Variants in CCNE2 observed in about 807,000 individuals in gnomAD.
CCNE2 encodes the protein G1/S-specific cyclin-E2.
In CCNE2, 18 loss-of-function variants were observed where a neutral mutation model predicts 56.8. That is an observed-to-expected ratio of 0.32 (90% CI 0.22 to 0.47). The LOEUF is 0.47. Ranked by LOEUF, CCNE2 falls within the 20% of genes least tolerant of loss-of-function variation. The pLI is 1.00. For missense variants in CCNE2, 371 were observed against 467.1 expected, an observed-to-expected ratio of 0.79 and a Z score of 1.90; for synonymous variants, 139 against 149.2, an observed-to-expected ratio of 0.93 and a Z score of 0.50.
chr8:94,882,971 T>C, intron 9 of CCNE2, 79 bp from the exon 10 acceptor site: 1 of 970,148 alleles, frequency 1.0e-6, no homozygotes, highest in South Asian at 1.4e-5. Context: ...CTTAGGGATC[T>C]AGAGATAAAT....
At chr8:94,892,134 A>G (rs2131120638) in intron 5 of CCNE2, 4 of 562,702 alleles carry the variant, frequency 7.1e-6, no homozygotes, top group South Asian at 4.5e-5. Context: ...AATGCAATTA[A>G]AAGTGAAAAA....
In CCNE2 at chr8:94,881,617, G is replaced by C; in HGVS notation, c.*15C>G. The C allele has an allele frequency of 6.2e-7, 1 of 1,610,130 alleles. No individual in the cohort carries two copies. The highest frequency in any genetic ancestry group is 8.5e-7 in the Non-Finnish European group (1 of 1,178,846). On this transcript the variant is annotated 3_prime_UTR_variant, in exon 12 of 12. Transcript: ENST00000308108. ...AATCTTGGTGAATTCCAACTTGTTT[G>C]CTTAGTTATCTTCTTTAGTGTTTTC...
chr8:94,893,555 C>A, intron 4 of CCNE2: 1 of 240,688 alleles, frequency 4.2e-6, no homozygotes, highest in Non-Finnish European at 7.9e-6. Flanking sequence ...CTATTTATGC[C>A]CAAGAAGCAG....
At chr8:94,888,903 C>T (rs1817129159) in intron 6 of CCNE2, among the ~76,000 whole-genome samples, 1 of 152,116 alleles carries the variant, frequency 6.6e-6, no homozygotes. Context: ...AATCCCAGCA[C>T]TTTGGGAGGC....
At chr8:94,881,781 A>T (rs775181708) in intron 11 of CCNE2, 36 bp from the exon 12 acceptor site, 4 of 1,610,412 alleles carry the variant, frequency 2.5e-6, no homozygotes, top group Non-Finnish European at 3.4e-6. Flanking sequence ...TGATTTCATA[A>T]ATCAAAGTCA....
intron 1 of CCNE2, chr8:94,894,527 A>G (rs538702771): frequency 4.4e-5 from 18 of 410,246 alleles, no homozygotes; most frequent in Non-Finnish European, 7.5e-5. Context: ...CATCTTCCTC[A>G]AACGGGTTTT....
In CCNE2 at chr8:94,888,067, C is replaced by T. The variant is rs1456517657; in HGVS notation, c.460G>A (p.Glu154Lys). The T allele has an allele frequency of 6.5e-7, 1 of 1,549,440 alleles. No homozygotes were observed. Among genetic ancestry groups the T allele is most frequent in the African/African-American group, 1.4e-5 (1 of 71,476 alleles). Residue 154 changes from glutamate (E) to lysine (K), a missense_variant, in exon 7 of 12, where the codon GAA becomes AAA. Glu to Lys is a moderately conservative substitution (Grantham distance 56). Coordinates refer to ENST00000308108, the MANE Select transcript of CCNE2 (RefSeq NM_057749.3). ...GTTTCCCTATGAAGTGTGTATACTT[C>T]ACATACCTAGAGAAGAATCCAAACA... is the stretch of plus-strand genomic sequence containing the variant. ...ILLDWLLEVC[E>K]VYTLHRETFY... is the part of the protein sequence containing the mutation.
At chr8:94,884,220 T>C (rs1816944242) in intron 9 of CCNE2, among the ~76,000 whole-genome samples, 2 of 152,220 alleles carry the variant, frequency 1.3e-5, no homozygotes, top group African/African-American at 4.8e-5. Flanking sequence ...GTCTTCCATA[T>C]GTTAGATTTT....
intron 7 of CCNE2, among the ~76,000 whole-genome samples, chr8:94,886,956 A>G (rs548906482): frequency 1.1e-4 from 17 of 152,166 alleles, no homozygotes; most frequent in Non-Finnish European, 1.9e-4. Flanking sequence ...ACTGAACACA[A>G]GTTTATGTGC....
Position 94,885,126 on chromosome 8 carries a change from CTT to C in CCNE2, c.770_771del (p.Lys257ArgfsTer4). On this transcript the variant is annotated frameshift_variant, in exon 9 of 12. Transcript: ENST00000308108. LOFTEE classifies it high-confidence loss of function. ...TGAGGTAGAAGAACTTTAGGAGCAT[CTT>C]TAAGAGCATCAACTTGGAGAAAGAG... is the stretch of plus-strand genomic sequence containing the variant. The part of the protein sequence containing the change: ...LNLFLQVDAL[K>X]DAPKVLLPQY... 1 of 1,613,368 alleles carries C rather than the reference CTT, an allele frequency of 6.2e-7. No homozygotes were observed. Among genetic ancestry groups the C allele is most frequent in the Non-Finnish European group, 8.5e-7 (1 of 1,179,486 alleles).
intron 9 of CCNE2, among the ~76,000 whole-genome samples, chr8:94,884,322 A>G (rs1414968907): frequency 6.7e-6 from 1 of 149,250 alleles, no homozygotes; most frequent in East Asian, 2.0e-4. Flanking sequence ...GAAGTAAGCA[A>G]GAAAGAATGG....
Position 94,885,057 on chromosome 8 carries a change from A to G in CCNE2, c.831+10T>C, listed in dbSNP as rs1040396299. ...TAACATTACCATTGAATCAATAAAAATGTCAGTACCTGAGCTATTTGAATG... is the reference window on the plus strand; with the variant it reads ...TAACATTACCATTGAATCAATAAAAGTGTCAGTACCTGAGCTATTTGAATG... On this transcript the variant is annotated intron_variant, in intron 9 of 11. Coordinates refer to ENST00000308108, the MANE Select transcript of CCNE2 (RefSeq NM_057749.3). 1 of 1,610,694 alleles carries G rather than the reference A, an allele frequency of 6.2e-7. No individual in the cohort carries two copies. Among genetic ancestry groups the G allele is most frequent in the Non-Finnish European group, 8.5e-7 (1 of 1,178,062 alleles).
rs866889940 is a variant in CCNE2 at position 94,895,085 on chromosome 8, T to G, written c.-27+92A>C. 2.7e-5 allele frequency: 20 copies of G among 744,966 alleles called. No homozygotes were observed. The African/African-American group carries it at 3.0e-4, about 11-fold the overall frequency. 46.1% of individuals were successfully genotyped at this position (744,966 alleles called of 1,614,324 possible). A position where few individuals can be genotyped will look rare whatever the true frequency, so the allele number is the denominator to read the frequency against. On this transcript the variant is annotated intron_variant, in intron 1 of 11. Coordinates refer to ENST00000308108, the MANE Select transcript of CCNE2 (RefSeq NM_057749.3). Reference sequence around the variant, plus strand: ...TCGTCTAGTTCTCAGCCCTCCCGATTTTCCTCCCTGAGGCTCCCGCCTGTG... The same window carrying G: ...TCGTCTAGTTCTCAGCCCTCCCGATGTTCCTCCCTGAGGCTCCCGCCTGTG...
intron 10 of CCNE2, among the ~76,000 whole-genome samples, chr8:94,882,564 G>A (rs1816863587): frequency 6.6e-6 from 1 of 152,172 alleles, no homozygotes; most frequent in African/African-American, 2.4e-5. Flanking sequence ...GAACTATAAT[G>A]TTGATTCATT....
At position 94,881,254 on chromosome 8, in the gene CCNE2, A is replaced by G; in HGVS notation, c.*378T>C. Reference sequence around the variant, plus strand: ...GATTCAAAGTACTGTATCACTTAGTATACCCTTTAAGGTAGCACTTATCCA... The same window carrying G: ...GATTCAAAGTACTGTATCACTTAGTGTACCCTTTAAGGTAGCACTTATCCA... On this transcript the variant is annotated 3_prime_UTR_variant, in exon 12 of 12. Coordinates refer to ENST00000308108, the MANE Select transcript of CCNE2 (RefSeq NM_057749.3). 2.8e-6 allele frequency: 1 copy of G among 352,698 alleles called. No individual in the cohort carries two copies. The highest frequency in any genetic ancestry group is 5.0e-6 in the Non-Finnish European group (1 of 198,336). The allele number at this position is 352,698 out of a possible 1,614,324, so 21.8% of individuals were successfully genotyped here.
chr8:94,884,984 G>A, intron 9 of CCNE2, 83 bp downstream of exon 9: 1 of 1,190,810 alleles, frequency 8.4e-7, no homozygotes, highest in Non-Finnish European at 1.2e-6. Flanking sequence ...ATGTCATTTT[G>A]TGGTATAGCC....
At chr8:94,887,312 C>T (rs970804807) in intron 7 of CCNE2, among the ~76,000 whole-genome samples, 4 of 152,100 alleles carry the variant, frequency 2.6e-5, no homozygotes, top group African/African-American at 9.7e-5. Context: ...CAAGACCAGC[C>T]TGGCCAACAT....
chr8:94,884,003 C>T (rs1816934131), intron 9 of CCNE2: 1 of 437,404 alleles, frequency 2.3e-6, no homozygotes, highest in East Asian at 7.1e-5. Context: ...GATTTACCAT[C>T]ACTATCAGAA....
At chr8:94,885,407 T>C (rs957231667) in intron 8 of CCNE2, 56 bp downstream of exon 8, 5 of 1,173,316 alleles carry the variant, frequency 4.3e-6, no homozygotes, top group African/African-American at 3.1e-5. Flanking sequence ...TAACTACTTA[T>C]GTTACTTAGT....
Sources: allele counts gnomAD v4.1 joint callset (sites outside exome capture counted in the v4.1 genomes callset), GRCh38; gene constraint gnomAD v4.1.1; transcripts MANE v1.5; gene names NCBI Gene and HGNC (gene_info 2026-07-23, HGNC 2026-07-21).